DYNC1I1: variants seen among roughly 807,000 people sequenced by gnomAD.
DYNC1I1 encodes dynein cytoplasmic 1 intermediate chain 1, also known as cytoplasmic dynein 1 intermediate chain 1.
Under a neutral mutation model 86.6 loss-of-function variants are expected in DYNC1I1, and 43 were observed. The ratio of observed to expected loss-of-function variants is 0.50; its 90% CI spans 0.39 to 0.64. The LOEUF (loss-of-function observed/expected upper bound fraction) is 0.64. DYNC1I1 is among the 30% of genes least tolerant of loss of function. The pLI, the probability that DYNC1I1 is intolerant of heterozygous loss-of-function variation, is 0.00. For missense variants in DYNC1I1, 604 were observed against 788.8 expected, an observed-to-expected ratio of 0.77 and a Z score of 2.81; for synonymous variants, 262 against 283.7, an observed-to-expected ratio of 0.92 and a Z score of 0.77.
Position 96,028,274 on chromosome 7 carries a change from C to A in DYNC1I1, c.1069C>A (p.Arg357=). Residue 357 remains arginine, a synonymous_variant, in exon 11 of 17, where the codon CGA becomes AGA. Transcript: ENST00000447467. ...TGTCCTCTGGGACAATCGCAGTCATCGAAGGACTCCAGTGCAGCGGACACC... is the reference window on the plus strand; with the variant it reads ...TGTCCTCTGGGACAATCGCAGTCATAGAAGGACTCCAGTGCAGCGGACACC... ...QIVLWDNRSH[R]RTPVQRTPLS... is the part of the protein sequence containing the mutation. The A allele has an allele frequency of 6.2e-7, 1 of 1,613,718 alleles. No individual in the cohort carries two copies. The highest frequency in any genetic ancestry group is 1.1e-5 in the South Asian group (1 of 91,036).
At chr7:95,920,739 C>A (rs1791588393) in intron 6 of DYNC1I1, among the ~76,000 whole-genome samples, 1 of 152,140 alleles carries the variant, frequency 6.6e-6, no homozygotes, top group African/African-American at 2.4e-5. Flanking sequence ...TTAAATTAGA[C>A]AAAAGAAAAC....
At chr7:95,884,993 T>C (rs1327809497) in intron 6 of DYNC1I1, among the ~76,000 whole-genome samples, 1 of 152,198 alleles carries the variant, frequency 6.6e-6, no homozygotes, top group East Asian at 1.9e-4. Context: ...CAAAGCATTT[T>C]AACTTAAAAA....
At chr7:95,774,365 T>C (rs1793787876) in intron 1 of DYNC1I1, among the ~76,000 whole-genome samples, 1 of 152,206 alleles carries the variant, frequency 6.6e-6, no homozygotes, top group Admixed American at 6.5e-5. Context: ...CTGCAGCCGC[T>C]GGTGCACAGT....
chr7:95,992,540 G>A (rs1007209792), intron 9 of DYNC1I1, among the ~76,000 whole-genome samples: 1 of 152,136 alleles, frequency 6.6e-6, no homozygotes, highest in Non-Finnish European at 1.5e-5. Flanking sequence ...AGAGGGTTAT[G>A]AGGACCAAAT....
intron 1 of DYNC1I1, among the ~76,000 whole-genome samples, chr7:95,800,487 T>C (rs1794551037): frequency 6.6e-6 from 1 of 152,066 alleles, no homozygotes. Context: ...GAGATGCCAC[T>C]GATGGAAAAA....
chr7:96,028,198 C>T lies in DYNC1I1; in HGVS notation c.993C>T (p.Phe331=), dbSNP rs560963017. The change falls in exon 11 of 17, where the codon TTC becomes TTT. Residue 331 remains phenylalanine, a synonymous_variant. Coordinates refer to ENST00000447467, the MANE Select transcript of DYNC1I1 (RefSeq NM_001135556.2). Reference sequence around the variant, plus strand: ...AGTCCTCTGTGATGTCGGTCTGCTTCGCCCGTTTCCATCCTAACTTGGTGG... The same window carrying T: ...AGTCCTCTGTGATGTCGGTCTGCTTTGCCCGTTTCCATCCTAACTTGGTGG... ...HCQSSVMSVC[F]ARFHPNLVVG... 67 of 1,613,864 alleles carry T rather than the reference C, an allele frequency of 4.2e-5. No individual in the cohort carries two copies. The East Asian group carries it at 5.3e-4, about 13-fold the overall frequency.
intron 6 of DYNC1I1, among the ~76,000 whole-genome samples, chr7:95,879,469 A>G (rs1476181488): frequency 5.3e-5 from 8 of 152,326 alleles, no homozygotes; most frequent in Admixed American, 2.6e-4. Flanking sequence ...ATAGTAGAGA[A>G]GTGAAGAAGA....
At chr7:95,888,545 A>G (rs1364276419) in intron 6 of DYNC1I1, among the ~76,000 whole-genome samples, 3 of 152,206 alleles carry the variant, frequency 2.0e-5, no homozygotes, top group Non-Finnish European at 4.4e-5. Flanking sequence ...CTTTGCCACC[A>G]TTGACCACCA....
intron 14 of DYNC1I1, among the ~76,000 whole-genome samples, chr7:96,072,627 C>T (rs1189347233): frequency 6.6e-6 from 1 of 152,166 alleles, no homozygotes; most frequent in Admixed American, 6.5e-5. Flanking sequence ...TTGCCCCCAT[C>T]ATCTCCAGCC....
chr7:95,837,020 T>C (rs1789114628), intron 5 of DYNC1I1, among the ~76,000 whole-genome samples: 1 of 152,150 alleles, frequency 6.6e-6, no homozygotes, highest in African/African-American at 2.4e-5. Context: ...AGGAACTGCA[T>C]TCCTTTGGAG....
At chr7:95,876,864 T>C (rs1790322498) in intron 6 of DYNC1I1, among the ~76,000 whole-genome samples, 1 of 151,938 alleles carries the variant, frequency 6.6e-6, no homozygotes, top group Non-Finnish European at 1.5e-5. Flanking sequence ...CCCAGTAAAA[T>C]TGGTAAAAAT....
intron 10 of DYNC1I1, among the ~76,000 whole-genome samples, chr7:96,002,340 T>A (rs1794032298): frequency 6.6e-6 from 1 of 152,210 alleles, no homozygotes; most frequent in South Asian, 2.1e-4. Context: ...CCCAACTATT[T>A]AACCATTTGT....
At chr7:96,054,239 C>T (rs979585294) in intron 14 of DYNC1I1, among the ~76,000 whole-genome samples, 1 of 151,996 alleles carries the variant, frequency 6.6e-6, no homozygotes, top group Non-Finnish European at 1.5e-5. Flanking sequence ...ATGCGGTGTT[C>T]GGTTTTCTGT....
chr7:95,997,475 T>G (rs2115766221), intron 10 of DYNC1I1, among the ~76,000 whole-genome samples: 1 of 152,206 alleles, frequency 6.6e-6, no homozygotes, highest in East Asian at 1.9e-4. Flanking sequence ...ATCATGATTT[T>G]TAAATTTTAA....
At chr7:95,799,753 A>G (rs187715132) in intron 1 of DYNC1I1, among the ~76,000 whole-genome samples, 1 of 152,074 alleles carries the variant, frequency 6.6e-6, no homozygotes, top group Non-Finnish European at 1.5e-5. Flanking sequence ...GGCTAGGAAC[A>G]CAGATTGGAT....
At position 95,871,308 on chromosome 7, in the gene DYNC1I1, A is replaced by G. The variant is rs190548630; in HGVS notation, c.490+1310A>G. 9.2e-5 allele frequency among the ~76,000 whole-genome samples: 14 copies of G among 152,330 alleles called. No homozygotes were observed. In the East Asian group the frequency reaches 2.1e-3, roughly 23 times the overall value. On this transcript the variant is annotated intron_variant, in intron 6 of 16. Coordinates refer to ENST00000447467, the MANE Select transcript of DYNC1I1 (RefSeq NM_001135556.2). Reference sequence around the variant, plus strand: ...GTGAGCTTTTAAACCAACCAACCCAACAAATGAGACCTGTATATTAACGTG... The same window carrying G: ...GTGAGCTTTTAAACCAACCAACCCAGCAAATGAGACCTGTATATTAACGTG...
At chr7:95,936,941 G>C (rs1792056361) in intron 6 of DYNC1I1, among the ~76,000 whole-genome samples, 1 of 78,118 alleles carries the variant, frequency 1.3e-5, no homozygotes, top group Non-Finnish European at 3.0e-5. Context: ...CAAAGGAATG[G>C]ATAAAGAATA....
chr7:95,984,308 C>A (rs1013277560), intron 7 of DYNC1I1, among the ~76,000 whole-genome samples: 3 of 151,992 alleles, frequency 2.0e-5, no homozygotes, highest in Non-Finnish European at 4.4e-5. Flanking sequence ...AATCAGTCAG[C>A]CTTACCAACT....
intron 6 of DYNC1I1, among the ~76,000 whole-genome samples, chr7:95,882,463 A>G (rs888554074): frequency 6.6e-6 from 1 of 152,170 alleles, no homozygotes; most frequent in African/African-American, 2.4e-5. Context: ...GTTTCCCTCT[A>G]TCCATAGTTC....
Sources: gnomAD v4.1 joint callset for allele counts (sites outside exome capture counted in the v4.1 genomes callset) on GRCh38, gnomAD v4.1.1 for gene constraint, MANE v1.5 for transcripts, NCBI Gene and HGNC (gene_info 2026-07-23, HGNC 2026-07-21) for gene names.